RAPGEF1: variants seen among roughly 807,000 people sequenced by gnomAD.
The protein encoded by RAPGEF1 is CRK SH3-binding GNRP.
RAPGEF1 carries 33 observed loss-of-function variants against 143.3 expected under a neutral mutation model. That is an observed-to-expected ratio of 0.23 (90% CI 0.17 to 0.31). The LOEUF is 0.31. RAPGEF1 is among the 10% of genes least tolerant of loss of function. The pLI is 1.00. For synonymous variants in RAPGEF1, 629 were observed against 676.5 expected (o/e 0.93, Z 1.09); for missense variants, 1,199 against 1,645.4 (o/e 0.73, Z 4.69).
intron 4 of RAPGEF1, among the ~76,000 whole-genome samples, chr9:131,639,863 A>G (rs1967363232): frequency 1.3e-5 from 2 of 152,234 alleles, no homozygotes; most frequent in South Asian, 4.1e-4. Context: ...TGAACCAAAT[A>G]GTGCTTTAAT....
intron 4 of RAPGEF1, among the ~76,000 whole-genome samples, chr9:131,642,849 G>A (rs548459643): frequency 2.1e-4 from 32 of 152,326 alleles, no homozygotes; most frequent in African/African-American, 7.5e-4. Context: ...CTGGCGATGA[G>A]TGGAAACAGT....
chr9:131,739,706 G>A, intron 1 of RAPGEF1, 64 bp downstream of exon 1: 1 of 1,023,718 alleles, frequency 9.8e-7, no homozygotes, highest in Non-Finnish European at 1.2e-6. Flanking sequence ...CGCTCGGCCC[G>A]GGGAGCGGCG....
chr9:131,622,036 G>A (rs1490341780), intron 10 of RAPGEF1, 38 bp from the exon 11 acceptor site: 1 of 1,579,972 alleles, frequency 6.3e-7, no homozygotes. Flanking sequence ...GAGGCCGGGG[G>A]AGGCCACATC....
chr9:131,622,633 A>C (rs1398492410), intron 10 of RAPGEF1, among the ~76,000 whole-genome samples: 2 of 152,238 alleles, frequency 1.3e-5, no homozygotes, highest in African/African-American at 4.8e-5. Context: ...AGAATATGTA[A>C]GAATTTCTTA....
Position 131,628,222 on chromosome 9 carries a change from C to A in RAPGEF1, c.1018-126G>T, listed in dbSNP as rs1035940763. The stretch of plus-strand genomic sequence containing the variant: ...TGCCAGGCGAACTCAGAAACCACCT[C>A]TGACGTCAGTAGTCGAAGGACACAT... On this transcript the variant is annotated intron_variant, in intron 8 of 26. Coordinates refer to ENST00000683357, the MANE Select transcript of RAPGEF1 (RefSeq NM_001377935.1). This position sits in a 1 kb window ranked among gnomAD's most constrained non-coding sequence, Gnocchi z 5.7. 4 of 918,740 alleles carry A rather than the reference C, an allele frequency of 4.4e-6. No individual in the cohort carries two copies. The highest frequency in any genetic ancestry group is 5.3e-5 in the East Asian group (2 of 37,428). The allele number at this position is 918,740 out of a possible 1,614,324, so 56.9% of individuals were successfully genotyped here.
Position 131,586,257 on chromosome 9 carries a change from AACACACACACAC to A in RAPGEF1, c.3233+1467_3233+1478del, listed in dbSNP as rs55722149. On this transcript the variant is annotated intron_variant, in intron 22 of 26. Transcript: ENST00000683357. ...ACCTGCAGAGCAAGACTCTGTCTCA[AACACACACACAC>A]ACACACACACACACACCTGCAGAGC... is the stretch of plus-strand genomic sequence containing the variant. 1.2e-4 allele frequency among the ~76,000 whole-genome samples: 11 copies of A among 91,408 alleles called. No homozygotes were observed. In the South Asian group the frequency reaches 2.9e-3, roughly 24 times the overall value. 60.0% of individuals were successfully genotyped at this position (91,408 alleles called of 152,430 possible).
rs543235556 is a variant in RAPGEF1, at chr9:131,686,380, G to C, written c.62-35431C>G. ...CAATGCTGAAGACAACTGGCTCTGT[G>C]GGTCTCCGACAAGGATTCTCTGTGT... On this transcript the variant is annotated intron_variant, in intron 1 of 26. Transcript: ENST00000683357. Among the ~76,000 whole-genome samples the C allele has an allele frequency of 2.6e-5, 4 of 152,262 alleles. No individual in the cohort carries two copies. In the East Asian group the frequency reaches 7.7e-4, roughly 29 times the overall value.
intron 12 of RAPGEF1, among the ~76,000 whole-genome samples, chr9:131,616,940 T>C (rs796861068): frequency 6.6e-6 from 1 of 152,322 alleles, no homozygotes; most frequent in African/African-American, 2.4e-5. Context: ...ATTCTCCTTT[T>C]AATGACATAA....
chr9:131,660,699 G>T (rs1156425411), intron 1 of RAPGEF1, among the ~76,000 whole-genome samples: 2 of 152,176 alleles, frequency 1.3e-5, no homozygotes, highest in African/African-American at 4.8e-5. Flanking sequence ...TAGTCAAACT[G>T]CCCCCCACTG....
At chr9:131,657,872 A>G (rs938936710) in intron 1 of RAPGEF1, among the ~76,000 whole-genome samples, 1 of 152,220 alleles carries the variant, frequency 6.6e-6, no homozygotes, top group African/African-American at 2.4e-5. Flanking sequence ...AGTTTAACTT[A>G]TAAGTTTGTG....
chr9:131,710,288 A>C (rs1055201080), intron 1 of RAPGEF1, among the ~76,000 whole-genome samples: 2 of 152,118 alleles, frequency 1.3e-5, no homozygotes, highest in African/African-American at 4.8e-5. Flanking sequence ...CAAAACATCA[A>C]AACACTGCTA....
intron 1 of RAPGEF1, among the ~76,000 whole-genome samples, chr9:131,715,444 C>T (rs535769590): frequency 5.3e-5 from 8 of 152,130 alleles, no homozygotes; most frequent in African/African-American, 1.7e-4. Context: ...TGGGACAGGG[C>T]CTTATAGATC....
chr9:131,691,296 T>C (rs1235138277), intron 1 of RAPGEF1, among the ~76,000 whole-genome samples: 1 of 152,198 alleles, frequency 6.6e-6, no homozygotes, highest in Non-Finnish European at 1.5e-5. Context: ...GACCTCAAAT[T>C]CACTTTGAGG....
chr9:131,643,519 G>T, intron 3 of RAPGEF1, 102 bp from the exon 4 acceptor site: 1 of 1,144,952 alleles, frequency 8.7e-7, no homozygotes, highest in Non-Finnish European at 1.2e-6. Flanking sequence ...AGATCGATAG[G>T]AATGGAAAGG....
rs1457306749 is a variant in RAPGEF1 at position 131,628,000 on chromosome 9, C to T, written c.1114G>A (p.Gly372Ser). The stretch of plus-strand genomic sequence containing the variant: ...TGCTCGTCTGACTTGCTGAGCTTGC[C>T]TATGCTGCTGCAGGGGGAGAGGCGG... ...SPRLSPCSSI[G>S]KLSKSDEQLS... Residue 372 changes from glycine (G) to serine (S), a missense_variant, in exon 9 of 27, where the codon GGC (glycine) becomes AGC (serine). Transcript: ENST00000683357. 4.4e-6 allele frequency: 7 copies of T among 1,595,742 alleles called. No homozygotes were observed.
At chr9:131,691,721 T>C (rs1003092001) in intron 1 of RAPGEF1, among the ~76,000 whole-genome samples, 2 of 152,150 alleles carry the variant, frequency 1.3e-5, no homozygotes, top group African/African-American at 4.8e-5. Context: ...AGAACTCTAA[T>C]AAAGAAACTG....
intron 1 of RAPGEF1, among the ~76,000 whole-genome samples, chr9:131,685,855 G>C (rs1833304138): frequency 6.6e-6 from 1 of 152,152 alleles, no homozygotes; most frequent in African/African-American, 2.4e-5. Flanking sequence ...GGCGAATTCA[G>C]CTACGTGCAT....
chr9:131,718,394 A>G (rs975542266), intron 1 of RAPGEF1, among the ~76,000 whole-genome samples: 26 of 152,228 alleles, frequency 1.7e-4, no homozygotes, highest in African/African-American at 5.8e-4. Flanking sequence ...CATGTGATCC[A>G]GTTCACACTC....
In RAPGEF1 at chr9:131,638,626, C is replaced by A; in HGVS notation, c.651+9G>T. ...CCTGACTGGGACTGTCTGGAACCTG[C>A]ACCGGTACCTTCACTCCATCCAGCA... On this transcript the variant is annotated intron_variant, in intron 5 of 26. Transcript: ENST00000683357. 1 of 1,613,922 alleles carries A rather than the reference C, an allele frequency of 6.2e-7. No homozygotes were observed. Among genetic ancestry groups the A allele is most frequent in the Non-Finnish European group, 8.5e-7 (1 of 1,179,798 alleles).
Sources: allele counts gnomAD v4.1 joint callset (sites outside exome capture counted in the v4.1 genomes callset), GRCh38; gene constraint gnomAD v4.1.1; non-coding constraint Gnocchi (gnomAD v3.1); transcripts MANE v1.5; gene names NCBI Gene and HGNC (gene_info 2026-07-23, HGNC 2026-07-21).